GLI3: variants seen among roughly 807,000 people sequenced by gnomAD.
GLI3 encodes transcription activator GLI3.
A neutral mutation model predicts 100.8 loss-of-function variants in GLI3; 20 were observed. The ratio of observed to expected loss-of-function variants is 0.20; its 90% confidence interval spans 0.14 to 0.29. The LOEUF (loss-of-function observed/expected upper bound fraction) is 0.29, where lower values mean the gene tolerates loss of function less well. GLI3 is among the 10% of genes least tolerant of loss of function. The pLI, the probability that GLI3 is intolerant of heterozygous loss-of-function variation, is 1.00. For synonymous variants in GLI3, 938 were observed against 860.5 expected (o/e 1.09, Z -1.58); for missense variants, 2,040 against 2,128.5 (o/e 0.96, Z 0.82).
intron 2 of GLI3, among the ~76,000 whole-genome samples, chr7:42,168,741 C>A (rs1317549208): frequency 6.6e-6 from 1 of 151,872 alleles, no homozygotes; most frequent in Non-Finnish European, 1.5e-5. Flanking sequence ...CACAGCAAGA[C>A]CCCCATCTCT....
rs961028665 is a variant in GLI3, at chr7:42,065,142, G to A, written c.473+11610C>T. Among the ~76,000 whole-genome samples the A allele has an allele frequency of 1.6e-4, 24 of 147,882 alleles. 1 individual carries two copies. In the South Asian group the frequency reaches 1.9e-3, roughly 12 times the overall value. On this transcript the variant is annotated intron_variant, in intron 4 of 14. Transcript: ENST00000395925. The stretch of plus-strand genomic sequence containing the variant: ...TTCAATCATTCCTGACAAACTTTTT[G>A]GTCCTCTTTTTTATTATTTTTATTT...
At chr7:42,089,362 T>C (rs1292064003) in intron 3 of GLI3, among the ~76,000 whole-genome samples, 2 of 152,216 alleles carry the variant, frequency 1.3e-5, no homozygotes, top group African/African-American at 2.4e-5. Context: ...ACTTGAAGCA[T>C]GATAATACGG....
At chr7:42,148,617 G>T in intron 2 of GLI3, 149 bp from the exon 3 acceptor site, 1 of 758,940 alleles carries the variant, frequency 1.3e-6, no homozygotes, top group Non-Finnish European at 2.2e-6. Context: ...TACAGGGCTG[G>T]GATGGGATCT....
At chr7:42,104,840 A>G (rs371638741) in intron 3 of GLI3, among the ~76,000 whole-genome samples, 1 of 152,192 alleles carries the variant, frequency 6.6e-6, no homozygotes, top group African/African-American at 2.4e-5. Flanking sequence ...CACAGTGAGA[A>G]GAAGGCCATC....
chr7:42,259,611 T>C (rs1789119334), intron 1 of GLI3, among the ~76,000 whole-genome samples: 1 of 152,208 alleles, frequency 6.6e-6, no homozygotes, highest in South Asian at 2.1e-4. Flanking sequence ...TAGCATTCAG[T>C]CTACACTTGT....
At chr7:42,116,969 A>T (rs1248612940) in intron 3 of GLI3, among the ~76,000 whole-genome samples, 2 of 152,210 alleles carry the variant, frequency 1.3e-5, no homozygotes, top group East Asian at 1.9e-4. Context: ...CCATACGCAG[A>T]TATCACTTGT....
chr7:42,168,619 T>C (rs1787294393), intron 2 of GLI3, among the ~76,000 whole-genome samples: 1 of 151,966 alleles, frequency 6.6e-6, no homozygotes, highest in Non-Finnish European at 1.5e-5. Flanking sequence ...AACAAATCTA[T>C]AAAGTTCGAA....
chr7:42,261,523 C>G (rs144845375), intron 1 of GLI3, among the ~76,000 whole-genome samples: 26 of 152,252 alleles, frequency 1.7e-4, no homozygotes, highest in African/African-American at 5.8e-4. Flanking sequence ...GAATGACAAA[C>G]CAGAGTCCCA....
intron 2 of GLI3, among the ~76,000 whole-genome samples, chr7:42,220,434 G>A (rs535388952): frequency 7.2e-5 from 11 of 152,234 alleles, no homozygotes; most frequent in Admixed American, 2.0e-4. Context: ...GCCAGCACAC[G>A]AATAGTGTCC....
intron 7 of GLI3, among the ~76,000 whole-genome samples, chr7:42,029,600 T>A (rs1789225777): frequency 2.6e-5 from 4 of 151,444 alleles, no homozygotes; most frequent in Non-Finnish European, 4.4e-5. Flanking sequence ...AGGAGGGGAG[T>A]CCTGCATCCT....
chr7:42,197,966 G>A (rs761145947), intron 2 of GLI3, among the ~76,000 whole-genome samples: 3 of 152,120 alleles, frequency 2.0e-5, no homozygotes, highest in African/African-American at 4.8e-5. Flanking sequence ...AGGTGTGGCC[G>A]CCCCAAATAA....
intron 10 of GLI3, among the ~76,000 whole-genome samples, chr7:41,988,095 C>G (rs1262315561): frequency 6.6e-6 from 1 of 152,072 alleles, no homozygotes; most frequent in Admixed American, 6.6e-5. Context: ...CCTTAAGGGC[C>G]CTGCTATGGT....
chr7:42,021,373 G>A (rs1171230436), intron 10 of GLI3, among the ~76,000 whole-genome samples: 2 of 152,170 alleles, frequency 1.3e-5, no homozygotes, highest in Admixed American at 1.3e-4. Flanking sequence ...ATTTTTTAAA[G>A]ACCATTTCGA....
intron 2 of GLI3, among the ~76,000 whole-genome samples, chr7:42,169,439 C>G (rs1187115989): frequency 6.6e-6 from 1 of 151,454 alleles, no homozygotes; most frequent in African/African-American, 2.4e-5. Context: ...ATTTTTTTGT[C>G]TTGGTATCAA....
rs755154814 is a variant in GLI3, at chr7:42,148,285, G to A, written c.308C>T (p.Pro103Leu). ...SLPHVAEPSV[P>L]YRGTVFAMDP... ...CATGGCAAACACCGTCCCGCGGTAC[G>A]GCACAGAGGGCTCCGCCACGTGTGG... Residue 103 changes from proline to leucine, a missense_variant, in exon 3 of 15, where the codon CCG (proline) becomes CTG (leucine). This residue lies in a region of GLI3 where 603 missense variants were observed against 690.9 expected (regional missense o/e 0.87). Coordinates refer to ENST00000395925, the MANE Select transcript of GLI3 (RefSeq NM_000168.6). 1.8e-5 allele frequency: 29 copies of A among 1,613,030 alleles called. No homozygotes were observed. Among genetic ancestry groups the A allele is most frequent in the South Asian group, 3.3e-5 (3 of 90,866 alleles).
At chr7:42,188,073 A>C (rs1028325004) in intron 2 of GLI3, among the ~76,000 whole-genome samples, 6 of 151,186 alleles carry the variant, frequency 4.0e-5, no homozygotes, top group Non-Finnish European at 8.9e-5. Context: ...GTAAAGATAA[A>C]GGCAAAGACT....
At chr7:42,043,353 A>G (rs1784181812) in intron 6 of GLI3, among the ~76,000 whole-genome samples, 1 of 152,226 alleles carries the variant, frequency 6.6e-6, no homozygotes, top group African/African-American at 2.4e-5. Context: ...ATAAACAAGC[A>G]AAAGAAGAGA....
chr7:42,043,868 A>G (rs1292664088), intron 6 of GLI3, among the ~76,000 whole-genome samples: 1 of 152,238 alleles, frequency 6.6e-6, no homozygotes. Flanking sequence ...TGATTTGCAT[A>G]ATAACACAAC....
At chr7:42,236,302 A>G (rs967297282) in intron 1 of GLI3, among the ~76,000 whole-genome samples, 2 of 152,148 alleles carry the variant, frequency 1.3e-5, no homozygotes, top group Non-Finnish European at 2.9e-5. Flanking sequence ...TGCATGGACC[A>G]CGGTTACTTT....
Sources: gnomAD v4.1 joint callset for allele counts (sites outside exome capture counted in the v4.1 genomes callset) on GRCh38, gnomAD v4.1.1 for gene constraint, gnomAD v4.1.1 regional missense constraint, MANE v1.5 for transcripts, NCBI Gene and HGNC (gene_info 2026-07-23, HGNC 2026-07-21) for gene names.